The following SYNJ1 variants were observed in gnomAD, a reference collection of about 807,000 sequenced individuals.
The protein encoded by SYNJ1 is synaptojanin 1, also known as polyphosphatidylinositol phosphatase SYNJ1.
In SYNJ1, 78 loss-of-function variants were observed where a neutral mutation model predicts 168.2. The ratio of observed to expected loss-of-function variants is 0.46; its 90% confidence interval spans 0.39 to 0.56. The LOEUF is 0.56. Among genes scored for constraint, SYNJ1 ranks in the 20% least tolerant of loss-of-function variants. SYNJ1 has a pLI of 0.00. For synonymous variants in SYNJ1, 539 were observed against 548.6 expected, an observed-to-expected ratio of 0.98 and a Z score of 0.24; for missense variants, 1,303 against 1,597.6, an observed-to-expected ratio of 0.82 and a Z score of 3.14.
chr21:32,678,135 T>C (rs533767061), intron 12 of SYNJ1, among the ~76,000 whole-genome samples: 101 of 152,270 alleles, frequency 6.6e-4, no homozygotes, highest in African/African-American at 2.4e-3. Flanking sequence ...AAATTGGTAA[T>C]AGCAGTTAGT....
At chr21:32,680,050 A>G (rs547159722) in intron 11 of SYNJ1, among the ~76,000 whole-genome samples, 1 of 152,274 alleles carries the variant, frequency 6.6e-6, no homozygotes, top group Non-Finnish European at 1.5e-5. Context: ...ATTTTAAGCA[A>G]TAGTTTGAGA....
intron 10 of SYNJ1, among the ~76,000 whole-genome samples, chr21:32,683,611 T>C (rs112521551): frequency 0.027 from 4,104 of 152,218 alleles, 75 homozygotes; most frequent in Non-Finnish European, 0.046. Flanking sequence ...TTACAAATTG[T>C]CAAAAATATA....
chr21:32,681,674 AT>A, intron 10 of SYNJ1, 26 bp from the exon 11 acceptor site: 1 of 1,591,942 alleles, frequency 6.3e-7, no homozygotes, highest in Non-Finnish European at 8.5e-7. Flanking sequence ...AGAAATTTTT[AT>A]AAGTACATTA....
At chr21:32,641,435 C>A (rs528703723) in intron 29 of SYNJ1, among the ~76,000 whole-genome samples, 1 of 151,860 alleles carries the variant, frequency 6.6e-6, no homozygotes. Flanking sequence ...AATACCTTTA[C>A]GGAATATGAT....
At position 32,650,374 on chromosome 21, in the gene SYNJ1, A is replaced by C. The variant is rs369324725; in HGVS notation, c.2875-28T>G. 3.8e-6 allele frequency: 6 copies of C among 1,573,384 alleles called. No individual in the cohort carries two copies. In the African/African-American group the frequency reaches 6.9e-5, roughly 18 times the overall value. The stretch of plus-strand genomic sequence containing the variant: ...AGCGGAGTAAAAGAGATATAAAATA[A>C]AGATTAACATGAAAGCTAACTAATT... On this transcript the variant is annotated intron_variant, in intron 22 of 32. Coordinates refer to ENST00000674351, the MANE Select transcript of SYNJ1 (RefSeq NM_203446.3).
chr21:32,653,290 C>T lies in SYNJ1; in HGVS notation c.2872G>A (p.Glu958Lys), dbSNP rs2040342522. 1 of 1,612,290 alleles carries T rather than the reference C, an allele frequency of 6.2e-7. No individual in the cohort carries two copies. Among genetic ancestry groups the T allele is most frequent in the Non-Finnish European group, 8.5e-7 (1 of 1,178,550 alleles). ...ALNVLSLNGK[E>K]LLNRTITIAL... The stretch of plus-strand genomic sequence containing the variant: ...AGAATCAACAAATGCTACCTTACCT[C>T]TTTACCATTTAGGCTCAGAACATTC... The change falls in exon 22 of 33, where the codon GAG (glutamate) becomes AAG (lysine). Residue 958 changes from glutamate to lysine, a missense_variant and splice_region_variant. Physicochemically the swap from Glu to Lys is moderately conservative, Grantham distance 56. This residue lies in a region of SYNJ1 where 920 missense variants were observed against 1,208.8 expected (regional missense o/e 0.76). Coordinates refer to ENST00000674351, the MANE Select transcript of SYNJ1 (RefSeq NM_203446.3).
intron 18 of SYNJ1, among the ~76,000 whole-genome samples, chr21:32,658,741 CACTT>C (rs939521145): frequency 2.0e-5 from 3 of 152,194 alleles, no homozygotes; most frequent in East Asian, 1.9e-4. Context: ...CTCCTGCACT[CACTT>C]ACCAGAACTC....
intron 11 of SYNJ1, among the ~76,000 whole-genome samples, chr21:32,679,871 A>G (rs1172497194): frequency 6.6e-6 from 1 of 152,122 alleles, no homozygotes; most frequent in East Asian, 1.9e-4. Context: ...GAAAAGAAAG[A>G]GCAGTTCAGA....
chr21:32,718,534 T>C (rs1242448562), intron 2 of SYNJ1, among the ~76,000 whole-genome samples: 2 of 152,182 alleles, frequency 1.3e-5, no homozygotes, highest in East Asian at 1.9e-4. Context: ...CTAAATTTCA[T>C]GATTTCTCTG....
intron 2 of SYNJ1, 133 bp downstream of exon 2, chr21:32,726,638 GA>G: frequency 1.7e-6 from 2 of 1,177,330 alleles, no homozygotes; most frequent in Non-Finnish European, 2.3e-6. Flanking sequence ...TGATTAAAAG[GA>G]AATACAAGCA....
At chr21:32,650,523 T>C (rs985653275) in intron 22 of SYNJ1, among the ~76,000 whole-genome samples, 177 bp from the exon 23 acceptor site, 3 of 152,190 alleles carry the variant, frequency 2.0e-5, no homozygotes, top group Non-Finnish European at 2.9e-5. Context: ...AGTTTAAAGG[T>C]TGTTCCCAGT....
chr21:32,683,392 AATT>A (rs2041698026), intron 10 of SYNJ1, among the ~76,000 whole-genome samples: 1 of 152,024 alleles, frequency 6.6e-6, no homozygotes, highest in African/African-American at 2.4e-5. Context: ...AGAGAAGTTG[AATT>A]GCATTCATTT....
chr21:32,718,331 C>A (rs924140140), intron 2 of SYNJ1, among the ~76,000 whole-genome samples: 36 of 152,094 alleles, frequency 2.4e-4, no homozygotes, highest in African/African-American at 8.0e-4. Context: ...CTACTACCAA[C>A]CCAGAATAAA....
At chr21:32,699,805 C>G in intron 4 of SYNJ1, 33 bp downstream of exon 4, 1 of 1,591,842 alleles carries the variant, frequency 6.3e-7, no homozygotes, top group Non-Finnish European at 8.6e-7. Flanking sequence ...CATATTATGT[C>G]CCAAATCACC....
chr21:32,726,749 T>A (rs184833816), intron 2 of SYNJ1, 23 bp downstream of exon 2: 1 of 1,611,580 alleles, frequency 6.2e-7, no homozygotes, highest in East Asian at 2.2e-5. Flanking sequence ...CCATGACAAA[T>A]TGGGCTCTAA....
chr21:32,681,159 T>G (rs148782922), intron 11 of SYNJ1, among the ~76,000 whole-genome samples: 67 of 152,286 alleles, frequency 4.4e-4, no homozygotes, highest in Admixed American at 3.9e-3. Flanking sequence ...AAAATCATAT[T>G]TGTAATCAAA....
intron 23 of SYNJ1, among the ~76,000 whole-genome samples, chr21:32,648,326 T>G (rs1025010360): frequency 1.3e-5 from 2 of 152,200 alleles, no homozygotes; most frequent in Admixed American, 6.5e-5. Flanking sequence ...TTTTCTCCAC[T>G]TCTTCACCTT....
At chr21:32,679,380 TAC>T (rs1398532493) in intron 11 of SYNJ1, among the ~76,000 whole-genome samples, 1 of 152,208 alleles carries the variant, frequency 6.6e-6, no homozygotes, top group African/African-American at 2.4e-5. Flanking sequence ...ACATGTAAAC[TAC>T]AGTTTGTATA....
At chr21:32,637,187 A>G (rs1388087181) in intron 31 of SYNJ1, among the ~76,000 whole-genome samples, 4 of 152,152 alleles carry the variant, frequency 2.6e-5, no homozygotes, top group African/African-American at 7.2e-5. Flanking sequence ...ACGCAACTAC[A>G]ATGAGATGGA....
Sources: gnomAD v4.1 joint callset for allele counts (sites outside exome capture counted in the v4.1 genomes callset) on GRCh38, gnomAD v4.1.1 for gene constraint, gnomAD v4.1.1 regional missense constraint, MANE v1.5 for transcripts, NCBI Gene and HGNC (gene_info 2026-07-23, HGNC 2026-07-21) for gene names.